Variants in NOL8 observed in about 807,000 individuals in gnomAD.
The protein encoded by NOL8 is nucleolar protein 8.
NOL8 carries 93 observed loss-of-function variants against 116.1 expected under a neutral mutation model. That is an observed-to-expected ratio of 0.80 (90% CI 0.68 to 0.95). The LOEUF (loss-of-function observed/expected upper bound fraction) is 0.95, where lower values mean the gene tolerates loss of function less well. NOL8 is among the 40% of genes least tolerant of loss of function. The probability of loss-of-function intolerance (pLI) is 0.00; values close to 1 mark genes in which losing one functional copy is unlikely to be tolerated. For synonymous variants in NOL8, 419 were observed against 469.0 expected, an observed-to-expected ratio of 0.89 and a Z score of 1.38; for missense variants, 1,291 against 1,382.8, an observed-to-expected ratio of 0.93 and a Z score of 1.05.
chr9:92,316,899 T>C (rs756267122), intron 6 of NOL8, among the ~76,000 whole-genome samples: 5 of 152,242 alleles, frequency 3.3e-5, no homozygotes, highest in Non-Finnish European at 7.3e-5. Context: ...ATGATGGCTG[T>C]CATTTGCTGA....
chr9:92,311,123 C>CA, intron 8 of NOL8, 23 bp downstream of exon 8: 1 of 1,547,088 alleles, frequency 6.5e-7, no homozygotes, highest in Middle Eastern at 1.7e-4. Context: ...TGAATGTCCA[C>CA]AGAGACATCC....
intron 5 of NOL8, 67 bp downstream of exon 5, chr9:92,319,154 A>G: frequency 6.9e-7 from 1 of 1,448,622 alleles, no homozygotes; most frequent in Non-Finnish European, 9.1e-7. Flanking sequence ...TGACACCCAC[A>G]ATCACGTGAT....
At position 92,310,606 on chromosome 9, in the gene NOL8, C is replaced by A. The variant is rs751277971; in HGVS notation, c.2542G>T (p.Asp848Tyr). ...GGTTTAATTTTGAACCTATTACTGTCATCTTCAGAATCAGATTCGTCATCA... is the reference window on the plus strand; with the variant it reads ...GGTTTAATTTTGAACCTATTACTGTAATCTTCAGAATCAGATTCGTCATCA... ...SDDDESDSED[D>Y]SNRFKIKPQF... is the part of the protein sequence containing the mutation. Residue 848 changes from aspartate to tyrosine, a missense_variant, in exon 9 of 17, where the codon GAC becomes TAC. Transcript: ENST00000442668. 10 of 1,613,352 alleles carry A rather than the reference C, an allele frequency of 6.2e-6. No homozygotes were observed. The Admixed American group carries it at 1.7e-4, about 27-fold the overall frequency.
Position 92,298,261 on chromosome 9 carries a change from C to T in NOL8, c.3449G>A (p.Arg1150His), listed in dbSNP as rs771676320. Residue 1150 changes from arginine to histidine, a missense_variant, in exon 16 of 17, where the codon CGT becomes CAT. Transcript: ENST00000442668. Reference protein sequence around the residue: ...NSWEARTTNLRMDCRKKHKDA... With the variant: ...NSWEARTTNLHMDCRKKHKDA... ...TATGGAGAAACAATTACTCACCATACGCAGGTTGGTTGTTCTGGCCTCCCA... is the reference window on the plus strand; with the variant it reads ...TATGGAGAAACAATTACTCACCATATGCAGGTTGGTTGTTCTGGCCTCCCA... 19 of 1,602,168 alleles carry T rather than the reference C, an allele frequency of 1.2e-5. No homozygotes were observed. The Middle Eastern group carries it at 4.9e-4, about 42-fold the overall frequency.
chr9:92,316,636 ACT>A (rs1396281513), intron 6 of NOL8, among the ~76,000 whole-genome samples: 2 of 151,830 alleles, frequency 1.3e-5, no homozygotes, highest in Non-Finnish European at 2.9e-5. Context: ...ACATGAACTC[ACT>A]CTCTGCAACA....
chr9:92,312,606 C>A (rs1316271373), intron 7 of NOL8, among the ~76,000 whole-genome samples: 3 of 151,268 alleles, frequency 2.0e-5, no homozygotes, highest in Admixed American at 2.0e-4. Flanking sequence ...ACAGGCGGAT[C>A]ACGTGAGGTC....
Position 92,305,885 on chromosome 9 carries a change from AAAAG to A in NOL8, c.2826-59_2826-56del, listed in dbSNP as rs1426371685. ...GAGATAAAAACAGAACACTAATACA[AAAAG>A]TAAGTAGCAAATTATAATTCAGCAC... On this transcript the variant is annotated intron_variant, in intron 11 of 16. Transcript: ENST00000442668. 3 of 1,180,136 alleles carry A rather than the reference AAAAG, an allele frequency of 2.5e-6. No individual in the cohort carries two copies. In the Admixed American group the frequency reaches 5.6e-5, roughly 22 times the overall value. 73.1% of individuals were successfully genotyped at this position (1,180,136 alleles called of 1,614,324 possible).
rs1186927269 is a variant in NOL8, at chr9:92,310,260, A to C, written c.2597T>G (p.Leu866Arg). ...GCCAAAGTGCGACTGTAAATCCATGAGCTACACAGACAGAAAACATACATA... is the reference window on the plus strand; with the variant it reads ...GCCAAAGTGCGACTGTAAATCCATGCGCTACACAGACAGAAAACATACATA... ...PQFEGRAGQK[L>R]MDLQSHFGTD... The change falls in exon 10 of 17, where the codon CTC (leucine) becomes CGC (arginine). Residue 866 changes from leucine to arginine, a missense_variant and splice_region_variant. By Grantham distance (102) the Leu-to-Arg change is moderately radical. Transcript: ENST00000442668. 5 of 1,603,778 alleles carry C rather than the reference A, an allele frequency of 3.1e-6. No homozygotes were observed. The highest frequency in any genetic ancestry group is 3.4e-6 in the Non-Finnish European group (4 of 1,174,960).
At chr9:92,304,273 T>C (rs1006548561) in intron 12 of NOL8, among the ~76,000 whole-genome samples, 1 of 152,226 alleles carries the variant, frequency 6.6e-6, no homozygotes, top group African/African-American at 2.4e-5. Flanking sequence ...AGAGTTACTA[T>C]GGACATGTGA....
At chr9:92,300,737 C>T in intron 13 of NOL8, 1 of 1,180,130 alleles carries the variant, frequency 8.5e-7, no homozygotes. Flanking sequence ...TTTAAAGTAC[C>T]ACGGAGTTGG....
chr9:92,324,303 G>T, intron 1 of NOL8, 94 bp from the exon 2 acceptor site: 1 of 1,017,588 alleles, frequency 9.8e-7, no homozygotes, highest in Non-Finnish European at 1.4e-6. Flanking sequence ...CCGTCTCCTG[G>T]ATCTGTATTT....
intron 9 of NOL8, 89 bp from the exon 10 acceptor site, chr9:92,310,350 A>G: frequency 1.6e-6 from 2 of 1,213,662 alleles, no homozygotes; most frequent in Non-Finnish European, 1.2e-6. Context: ...CTCCCCACAC[A>G]CTGAAATTCA....
At position 92,311,195 on chromosome 9, in the gene NOL8, T is replaced by C. The variant is rs368675567; in HGVS notation, c.2423A>G (p.Glu808Gly). The stretch of plus-strand genomic sequence containing the variant: ...GCTCTGCTCCTGAGTCGATGTCTCC[T>C]CTGTTTCACATTCACTGTCAGAACC... ...IFGSDSECET[E>G]ETSTQEQSHP... is the part of the protein sequence containing the mutation. Residue 808 changes from glutamate to glycine, a missense_variant, in exon 8 of 17, where the codon GAG becomes GGG. By Grantham distance (98) the Glu-to-Gly change is moderately conservative. Transcript: ENST00000442668. The C allele has an allele frequency of 2.1e-4, 335 of 1,613,782 alleles. No individual in the cohort carries two copies. Among genetic ancestry groups the C allele is most frequent in the Non-Finnish European group, 2.8e-4 (330 of 1,179,844 alleles).
intron 7 of NOL8, among the ~76,000 whole-genome samples, chr9:92,312,357 G>A (rs1049113527): frequency 2.0e-5 from 3 of 150,736 alleles, no homozygotes; most frequent in Non-Finnish European, 4.4e-5. Flanking sequence ...AGCAGGCTGA[G>A]GTGGGAGAAT....
intron 10 of NOL8, 97 bp downstream of exon 10, chr9:92,310,074 G>A: frequency 1.3e-6 from 1 of 790,768 alleles, no homozygotes; most frequent in South Asian, 1.7e-5. Flanking sequence ...GTCTTGGGAT[G>A]GAGAGTTTCT....
intron 16 of NOL8, 80 bp from the exon 17 acceptor site, chr9:92,297,966 TCTCA>T (rs957270627): frequency 4.6e-5 from 57 of 1,226,932 alleles, no homozygotes; most frequent in Non-Finnish European, 6.3e-5. Flanking sequence ...AACAGGTTAT[TCTCA>T]CTGTCAGGGC....
chr9:92,317,460 G>A (rs9409469), intron 6 of NOL8, among the ~76,000 whole-genome samples: 16,515 of 152,180 alleles, frequency 0.11, 1,050 homozygotes, highest in South Asian at 0.21. Context: ...CACTTGTAGG[G>A]AGGGCAGAGG....
intron 13 of NOL8, among the ~76,000 whole-genome samples, chr9:92,301,066 G>C (rs1587943777): frequency 6.6e-6 from 1 of 152,154 alleles, no homozygotes; most frequent in Non-Finnish European, 1.5e-5. Flanking sequence ...GTATGTACTA[G>C]TGTTTATACT....
intron 10 of NOL8, among the ~76,000 whole-genome samples, chr9:92,308,435 T>C (rs1171777363): frequency 6.6e-6 from 1 of 152,158 alleles, no homozygotes; most frequent in Admixed American, 6.5e-5. Context: ...GGACACGCCA[T>C]CAACGCAGAA....
Sources: allele counts gnomAD v4.1 joint callset (sites outside exome capture counted in the v4.1 genomes callset), GRCh38; gene constraint gnomAD v4.1.1; transcripts MANE v1.5; gene names NCBI Gene and HGNC (gene_info 2026-07-23, HGNC 2026-07-21).